The following LSAMP variants were observed in gnomAD, a reference collection of about 807,000 sequenced individuals.
LSAMP encodes the protein limbic system-associated membrane protein.
A neutral mutation model predicts 38.6 loss-of-function variants in LSAMP; 7 were observed. The ratio of observed to expected loss-of-function variants is 0.18; its 90% CI spans 0.10 to 0.34. The LOEUF is 0.34. Among genes scored for constraint, LSAMP ranks in the 10% least tolerant of loss-of-function variants. The probability of loss-of-function intolerance (pLI) is 1.00; values close to 1 mark genes in which losing one functional copy is unlikely to be tolerated. For synonymous variants in LSAMP, 154 were observed against 166.8 expected (o/e 0.92, Z 0.59); for missense variants, 313 against 420.0 (o/e 0.75, Z 2.23).
intron 1 of LSAMP, among the ~76,000 whole-genome samples, chr3:116,339,845 G>A (rs2047969497): frequency 6.6e-6 from 1 of 152,048 alleles, no homozygotes; most frequent in African/African-American, 2.4e-5. Context: ...GATGCAGCCA[G>A]ATATTACCAG....
intron 6 of LSAMP, among the ~76,000 whole-genome samples, chr3:115,813,502 A>G (rs1336831915): frequency 3.9e-5 from 6 of 152,120 alleles, no homozygotes; most frequent in Non-Finnish European, 8.8e-5. Context: ...TAAGTGATGT[A>G]TAAGTATATT....
chr3:116,043,484 G>T (rs1162579949), intron 2 of LSAMP, among the ~76,000 whole-genome samples: 1 of 152,062 alleles, frequency 6.6e-6, no homozygotes, highest in African/African-American at 2.4e-5. Flanking sequence ...CCCCACACAA[G>T]GCAACAAAAT....
chr3:116,373,219 A>G (rs906063452), intron 1 of LSAMP, among the ~76,000 whole-genome samples: 8 of 149,562 alleles, frequency 5.3e-5, no homozygotes, highest in African/African-American at 1.5e-4. Flanking sequence ...ATATATATGT[A>G]TATATATATA....
chr3:116,367,698 G>A (rs1187819727), intron 1 of LSAMP, among the ~76,000 whole-genome samples: 2 of 151,392 alleles, frequency 1.3e-5, no homozygotes, highest in East Asian at 1.9e-4. Context: ...TAGTAGGCCC[G>A]GGGTTTCACC....
intron 3 of LSAMP, among the ~76,000 whole-genome samples, chr3:115,901,212 G>T (rs754291666): frequency 6.6e-6 from 1 of 151,906 alleles, no homozygotes; most frequent in Non-Finnish European, 1.5e-5. Flanking sequence ...GTCAGTTATG[G>T]CAGCCAAGAG....
chr3:115,934,519 AAAAATCTTATGT>A (rs1333685647), intron 3 of LSAMP, among the ~76,000 whole-genome samples: 1 of 152,160 alleles, frequency 6.6e-6, no homozygotes, highest in Non-Finnish European at 1.5e-5. Context: ...GGGGCTGAAG[AAAAATCTTATGT>A]AAAATACATA....
intron 1 of LSAMP, among the ~76,000 whole-genome samples, chr3:116,418,247 T>G (rs1191134058): frequency 6.6e-6 from 1 of 152,200 alleles, no homozygotes; most frequent in Non-Finnish European, 1.5e-5. Context: ...CTGATCTCAC[T>G]TGTGAAACTT....
chr3:116,081,332 T>C (rs975323645), intron 2 of LSAMP, among the ~76,000 whole-genome samples: 2 of 152,006 alleles, frequency 1.3e-5, no homozygotes, highest in Admixed American at 6.6e-5. Context: ...CACGCGCCTG[T>C]AGTCCCAGCT....
intron 3 of LSAMP, among the ~76,000 whole-genome samples, chr3:115,997,967 T>TTA (rs1939875378): frequency 6.8e-6 from 1 of 147,510 alleles, no homozygotes; most frequent in Non-Finnish European, 1.5e-5. Flanking sequence ...TATATAATAC[T>TTA]TCTATATATC....
chr3:116,347,349 C>T (rs915684237), intron 1 of LSAMP, among the ~76,000 whole-genome samples: 1 of 152,118 alleles, frequency 6.6e-6, no homozygotes, highest in Non-Finnish European at 1.5e-5. Flanking sequence ...CAAATAACTG[C>T]TTCAGAAAAC....
intron 3 of LSAMP, among the ~76,000 whole-genome samples, chr3:115,856,618 CAA>C (rs554689672): frequency 2.1e-4 from 24 of 116,590 alleles, no homozygotes; most frequent in Non-Finnish European, 1.8e-4. Flanking sequence ...GACTCCATCT[CAA>C]AAAAAAAAAA....
chr3:115,819,007 C>T (rs1934137723), intron 6 of LSAMP, among the ~76,000 whole-genome samples: 1 of 150,102 alleles, frequency 6.7e-6, no homozygotes, highest in African/African-American at 2.4e-5. Flanking sequence ...TAAATTAGCC[C>T]AGCGTGGTGG....
rs186342483 is a variant in LSAMP at position 116,441,167 on chromosome 3, C to T, written c.155+3710G>A. On this transcript the variant is annotated intron_variant, in intron 1 of 6. Coordinates refer to ENST00000490035, the MANE Select transcript of LSAMP (RefSeq NM_002338.5). ...GGGAATCTGTAATACTTGTTAGGTA[C>T]GCTAACATTTAACTGGGAACAATGT... Among the ~76,000 whole-genome samples, 509 of 152,178 alleles carry T rather than the reference C, an allele frequency of 3.3e-3. 3 individuals are homozygous for T. Among genetic ancestry groups the T allele is most frequent in the African/African-American group, 0.01 (417 of 41,524 alleles).
intron 1 of LSAMP, among the ~76,000 whole-genome samples, chr3:116,426,840 A>G (rs569685717): frequency 1.1e-4 from 17 of 152,194 alleles, no homozygotes; most frequent in African/African-American, 3.9e-4. Context: ...TATAAGCCGA[A>G]GTAGACTATA....
chr3:116,095,644 A>C (rs2107440990), intron 1 of LSAMP, among the ~76,000 whole-genome samples: 1 of 152,314 alleles, frequency 6.6e-6, no homozygotes, highest in Non-Finnish European at 1.5e-5. Flanking sequence ...TTCTAAAAAG[A>C]GATAAGTATT....
At chr3:116,244,066 T>C (rs950545993) in intron 1 of LSAMP, among the ~76,000 whole-genome samples, 25 of 152,148 alleles carry the variant, frequency 1.6e-4, no homozygotes, top group African/African-American at 5.8e-4. Flanking sequence ...CAATGACTTT[T>C]AAAATAAAGA....
At chr3:115,865,284 A>G (rs762772002) in intron 3 of LSAMP, among the ~76,000 whole-genome samples, 2 of 152,178 alleles carry the variant, frequency 1.3e-5, no homozygotes, top group Non-Finnish European at 2.9e-5. Context: ...ACGTTTCTCT[A>G]AAGACTATTT....
chr3:115,831,492 C>T (rs1934609987), intron 6 of LSAMP, among the ~76,000 whole-genome samples: 1 of 152,130 alleles, frequency 6.6e-6, no homozygotes, highest in Non-Finnish European at 1.5e-5. Context: ...AACCTACGGT[C>T]CTCAATGTGA....
At chr3:115,890,741 C>A (rs1236631314) in intron 3 of LSAMP, among the ~76,000 whole-genome samples, 4 of 151,900 alleles carry the variant, frequency 2.6e-5, no homozygotes, top group Admixed American at 2.0e-4. Flanking sequence ...ACTGATGAGG[C>A]TTATGTTGCA....
Sources: allele counts gnomAD v4.1 joint callset (sites outside exome capture counted in the v4.1 genomes callset), GRCh38; gene constraint gnomAD v4.1.1; transcripts MANE v1.5; gene names NCBI Gene and HGNC (gene_info 2026-07-23, HGNC 2026-07-21).